The following C3orf20 variants were observed in gnomAD, a reference collection of about 807,000 sequenced individuals.
C3orf20 encodes uncharacterized protein C3orf20.
In C3orf20, 76 loss-of-function variants were observed where a neutral mutation model predicts 88.3. That is an observed-to-expected ratio of 0.86 (90% confidence interval 0.72 to 1.04). The LOEUF (loss-of-function observed/expected upper bound fraction) is 1.04, where lower values mean the gene tolerates loss of function less well. Among genes scored for constraint, C3orf20 ranks in the 50% least tolerant of loss-of-function variants. The pLI is 0.00. For synonymous variants in C3orf20, 436 were observed against 437.4 expected, an observed-to-expected ratio of 1.00 and a Z score of 0.04; for missense variants, 1,056 against 1,123.3, an observed-to-expected ratio of 0.94 and a Z score of 0.86.
chr3:14,754,591 A>G (rs1013613453), intron 12 of C3orf20, among the ~76,000 whole-genome samples: 1 of 152,178 alleles, frequency 6.6e-6, no homozygotes, highest in Non-Finnish European at 1.5e-5. Flanking sequence ...CCTTGGATAA[A>G]GTTGTTTCTG....
chr3:14,702,807 C>T (rs2033329614), intron 5 of C3orf20, among the ~76,000 whole-genome samples: 1 of 152,126 alleles, frequency 6.6e-6, no homozygotes. Flanking sequence ...CTCATTTCAC[C>T]ATTAACCCAA....
Position 14,683,091 on chromosome 3 carries a change from G to C in C3orf20, c.378G>C (p.Gln126His). Residue 126 changes from glutamine to histidine, a missense_variant, in exon 3 of 17, where the codon CAG (glutamine) becomes CAC (histidine). Transcript: ENST00000253697. ...CCCTCTCTCCCACCATGGCCCGTCA[G>C]GTGCGCACCCACCAGGAGACCCTGA... ...RSTLSPTMAR[Q>H]VRTHQETLNR... The C allele has an allele frequency of 6.2e-7, 1 of 1,613,680 alleles. No homozygotes were observed.
chr3:14,734,001 TAA>T (rs1171739784), intron 12 of C3orf20, among the ~76,000 whole-genome samples: 2 of 152,226 alleles, frequency 1.3e-5, no homozygotes, highest in Non-Finnish European at 2.9e-5. Flanking sequence ...TTGAAGTTTT[TAA>T]AAAGATCCTT....
Position 14,721,646 on chromosome 3 carries a change from T to A in C3orf20, c.1435-7T>A. On this transcript the variant is annotated splice_region_variant and splice_polypyrimidine_tract_variant and intron_variant, in intron 9 of 16. Transcript: ENST00000253697. ...GGATTCTCTGAGTACTGTTTCTTCA[T>A]CTACAGGTGAATGAGGAAATGAAAC... is the stretch of plus-strand genomic sequence containing the variant. 3 of 1,613,992 alleles carry A rather than the reference T, an allele frequency of 1.9e-6. No individual in the cohort carries two copies. The highest frequency in any genetic ancestry group is 2.5e-6 in the Non-Finnish European group (3 of 1,179,912).
intron 12 of C3orf20, among the ~76,000 whole-genome samples, chr3:14,733,095 A>G (rs913764115): frequency 2.6e-5 from 4 of 152,044 alleles, no homozygotes; most frequent in African/African-American, 9.7e-5. Flanking sequence ...ATCATAATGT[A>G]TTATTCTTTT....
chr3:14,682,495 T>G, intron 2 of C3orf20, 83 bp from the exon 3 acceptor site: 1 of 589,788 alleles, frequency 1.7e-6, no homozygotes, highest in Non-Finnish European at 3.0e-6. Flanking sequence ...TGATGGTGTC[T>G]CTGGGTAGGT....
Position 14,722,657 on chromosome 3 carries a change from A to C in C3orf20, c.1566+873A>C, listed in dbSNP as rs965141466. 1.3e-4 allele frequency: 57 copies of C among 447,952 alleles called. No individual in the cohort carries two copies. In the Admixed American group the frequency reaches 1.3e-3, roughly 10 times the overall value. 27.7% of individuals were successfully genotyped at this position (447,952 alleles called of 1,614,324 possible). A position where few individuals can be genotyped will look rare whatever the true frequency, so the allele number is the denominator to read the frequency against. ...TCGTTTCAAGTCTATCGTCTCCACA[A>C]ATTGAAAATTCCCTGTGATTCCCTC... On this transcript the variant is annotated intron_variant, in intron 10 of 16. Transcript: ENST00000253697.
intron 5 of C3orf20, among the ~76,000 whole-genome samples, chr3:14,690,677 A>G (rs1166342709): frequency 3.9e-5 from 6 of 152,254 alleles, no homozygotes; most frequent in Admixed American, 3.9e-4. Context: ...CAATGTGACA[A>G]TACCTGCTCA....
intron 13 of C3orf20, 112 bp downstream of exon 13, chr3:14,757,786 C>A: frequency 1.0e-6 from 1 of 972,524 alleles, no homozygotes; most frequent in East Asian, 2.6e-5. Context: ...TGAGGGGCCA[C>A]CCTCCTTCAG....
At chr3:14,758,916 CTG>C (rs2035472109) in intron 13 of C3orf20, among the ~76,000 whole-genome samples, 1 of 152,252 alleles carries the variant, frequency 6.6e-6, no homozygotes, top group Non-Finnish European at 1.5e-5. Flanking sequence ...TGAGTTAATT[CTG>C]TGTGTCCGTC....
At chr3:14,764,480 T>TTTATTATTATTATTATTATTA (rs374160361) in intron 15 of C3orf20, among the ~76,000 whole-genome samples, 4 of 148,688 alleles carry the variant, frequency 2.7e-5, no homozygotes, top group Non-Finnish European at 5.9e-5. Context: ...AACACAATCG[T>TTTATTATTATTATTATTATTA]TTATTATTAT....
At chr3:14,679,723 C>T (rs779643807) in intron 1 of C3orf20, among the ~76,000 whole-genome samples, 5 of 152,192 alleles carry the variant, frequency 3.3e-5, no homozygotes, top group Non-Finnish European at 7.3e-5. Flanking sequence ...TACCCAGGAG[C>T]TTCATCTGCA....
At chr3:14,691,283 C>T (rs1299803771) in intron 5 of C3orf20, among the ~76,000 whole-genome samples, 1 of 152,172 alleles carries the variant, frequency 6.6e-6, no homozygotes, top group Non-Finnish European at 1.5e-5. Flanking sequence ...CCCACAGCAC[C>T]ATTGCCAGCA....
intron 9 of C3orf20, 72 bp downstream of exon 9, chr3:14,715,481 T>C: frequency 2.6e-6 from 4 of 1,538,914 alleles, no homozygotes; most frequent in African/African-American, 2.7e-5. Context: ...CATCCTGCCA[T>C]GCACTGCCTA....
chr3:14,705,403 G>C (rs1411456650), intron 7 of C3orf20, among the ~76,000 whole-genome samples: 3 of 152,378 alleles, frequency 2.0e-5, no homozygotes, highest in South Asian at 4.1e-4. Flanking sequence ...AGAGTGATTT[G>C]AGTCTGATTA....
intron 12 of C3orf20, among the ~76,000 whole-genome samples, chr3:14,755,057 CT>C (rs1193272157): frequency 1.3e-5 from 2 of 152,086 alleles, no homozygotes; most frequent in African/African-American, 4.8e-5. Context: ...AACCTATATT[CT>C]TTTCTGTGAA....
In C3orf20 at chr3:14,759,968, G is replaced by A. The variant is rs1162792729; in HGVS notation, c.2322G>A (p.Lys774=). ...PLQEDPPLMV[K]KNSVVQGMIL... ...AGGAGGACCCTCCCCTGATGGTGAA[G>A]AAGAACTCTGTGGTGCAGGGGATGA... The change falls in exon 14 of 17, where the codon AAG becomes AAA. Residue 774 remains lysine (K), a synonymous_variant. Coordinates refer to ENST00000253697, the MANE Select transcript of C3orf20 (RefSeq NM_032137.5). The A allele has an allele frequency of 1.9e-6, 3 of 1,614,112 alleles. No homozygotes were observed. Among genetic ancestry groups the A allele is most frequent in the Middle Eastern group, 1.6e-4 (1 of 6,062 alleles).
intron 12 of C3orf20, among the ~76,000 whole-genome samples, chr3:14,744,848 C>T (rs1323076681): frequency 2.0e-5 from 3 of 152,318 alleles, no homozygotes; most frequent in Admixed American, 1.3e-4. Flanking sequence ...CTGGGTCCCT[C>T]CCACAACATG....
chr3:14,685,475 TCTCTCTGTGC>T (rs1192245608), intron 4 of C3orf20, among the ~76,000 whole-genome samples: 1 of 109,422 alleles, frequency 9.1e-6, no homozygotes, highest in Non-Finnish European at 2.0e-5. Flanking sequence ...TCTCTCTCTC[TCTCTCTGTGC>T]GTGCGTGCGT....
Sources: allele counts gnomAD v4.1 joint callset (sites outside exome capture counted in the v4.1 genomes callset), GRCh38; gene constraint gnomAD v4.1.1; transcripts MANE v1.5; gene names NCBI Gene and HGNC (gene_info 2026-07-23, HGNC 2026-07-21).